The following TRAF3IP2 variants were observed in gnomAD, a reference collection of about 807,000 sequenced individuals.
TRAF3IP2 encodes the protein E3 ubiquitin ligase TRAF3IP2.
TRAF3IP2 carries 35 observed loss-of-function variants against 57.9 expected under a neutral mutation model. That is an observed-to-expected ratio of 0.60 (90% CI 0.46 to 0.80). The LOEUF (loss-of-function observed/expected upper bound fraction) is 0.80. TRAF3IP2 is among the 30% of genes least tolerant of loss of function. The probability of loss-of-function intolerance (pLI) is 0.00; values close to 1 mark genes in which losing one functional copy is unlikely to be tolerated. For missense variants in TRAF3IP2, 556 were observed against 706.4 expected, an observed-to-expected ratio of 0.79 and a Z score of 2.41; for synonymous variants, 251 against 268.9, an observed-to-expected ratio of 0.93 and a Z score of 0.65.
At chr6:111,584,805 A>G (rs1796278645) in intron 2 of TRAF3IP2, among the ~76,000 whole-genome samples, 1 of 152,230 alleles carries the variant, frequency 6.6e-6, no homozygotes, top group South Asian at 2.1e-4. Flanking sequence ...AATGGCTAAC[A>G]TTTATTGATC....
chr6:111,601,760 C>G (rs1400761280), intron 1 of TRAF3IP2: 1 of 152,238 alleles, frequency 6.6e-6, no homozygotes, highest in Non-Finnish European at 1.5e-5. Flanking sequence ...ATCCTGAGAT[C>G]TACTTCGGAT....
chr6:111,603,449 C>CA (rs1796934736), intron 1 of TRAF3IP2, among the ~76,000 whole-genome samples: 1 of 152,068 alleles, frequency 6.6e-6, no homozygotes. Flanking sequence ...TGTGTTCACT[C>CA]TTTTTTTTCT....
rs769436570 is a variant in TRAF3IP2 at position 111,575,860 on chromosome 6, A to G, written c.1023-39T>C. On this transcript the variant is annotated intron_variant, in intron 3 of 8. Transcript: ENST00000368761. ...CATTTACAGTCAATTTTCATTCTTT[A>G]CAAAGGCAAACCTTCAGGGACAGAA... is the stretch of plus-strand genomic sequence containing the variant. 4 of 1,583,422 alleles carry G rather than the reference A, an allele frequency of 2.5e-6. 1 individual carries two copies. The South Asian group carries it at 4.5e-5, about 18-fold the overall frequency.
At position 111,580,300 on chromosome 6, in the gene TRAF3IP2, GGCC is replaced by G; in HGVS notation, c.916_918del (p.Gly306del). 1 of 1,611,544 alleles carries G rather than the reference GGCC, an allele frequency of 6.2e-7. No homozygotes were observed. The highest frequency in any genetic ancestry group is 8.5e-7 in the Non-Finnish European group (1 of 1,179,370). On this transcript the variant is annotated inframe_deletion, in exon 3 of 9. Coordinates refer to ENST00000368761, the MANE Select transcript of TRAF3IP2 (RefSeq NM_147686.4). ...AGGATAACCTTCTGCACAGGGTGCA[GGCC>G]TCTCACACTGGCTCCAGGCAGGGGC...
intron 1 of TRAF3IP2, among the ~76,000 whole-genome samples, chr6:111,598,854 C>T (rs1796774571): frequency 1.3e-5 from 2 of 152,134 alleles, no homozygotes; most frequent in African/African-American, 4.8e-5. Context: ...TGACACCGCC[C>T]AGGAGACAGT....
intron 7 of TRAF3IP2, among the ~76,000 whole-genome samples, chr6:111,564,772 G>A (rs1464259357): frequency 1.3e-5 from 2 of 152,214 alleles, no homozygotes; most frequent in Admixed American, 6.5e-5. Context: ...GCCAAGCTGT[G>A]TATTACTGCC....
chr6:111,583,093 C>T (rs1375212533), intron 2 of TRAF3IP2, among the ~76,000 whole-genome samples: 2 of 152,166 alleles, frequency 1.3e-5, no homozygotes, highest in Admixed American at 6.5e-5. Flanking sequence ...ATGACTTTTA[C>T]CTGTCAACTT....
intron 7 of TRAF3IP2, 98 bp downstream of exon 7, chr6:111,566,346 G>T: frequency 1.0e-6 from 1 of 959,212 alleles, no homozygotes. Context: ...CCAGCATCAT[G>T]CTGCCTTCAG....
intron 5 of TRAF3IP2, among the ~76,000 whole-genome samples, chr6:111,568,331 A>G (rs1795715891): frequency 6.6e-6 from 1 of 152,116 alleles, no homozygotes; most frequent in African/African-American, 2.4e-5. Flanking sequence ...TCAGCATTCA[A>G]GTTTTTGAAG....
chr6:111,562,844 CAAAAAAA>C (rs931683636), intron 8 of TRAF3IP2, 114 bp downstream of exon 8: 1 of 538,300 alleles, frequency 1.9e-6, no homozygotes, highest in Non-Finnish European at 2.7e-6. Flanking sequence ...GACTCCATCT[CAAAAAAA>C]AAAAAAAAGA....
chr6:111,561,355 G>T (rs867056005), intron 8 of TRAF3IP2, among the ~76,000 whole-genome samples: 2 of 151,958 alleles, frequency 1.3e-5, no homozygotes, highest in South Asian at 2.1e-4. Context: ...CAGGAGAATC[G>T]CTTGAACCCT....
intron 3 of TRAF3IP2, 107 bp from the exon 4 acceptor site, chr6:111,575,928 C>T: frequency 2.9e-6 from 3 of 1,026,774 alleles, no homozygotes; most frequent in Non-Finnish European, 4.2e-6. Context: ...GCTCTCTCTC[C>T]TCTGCCTCTA....
In TRAF3IP2 at chr6:111,597,749, T is replaced by C. The variant is rs1467296048; in HGVS notation, c.-8-5655A>G. On this transcript the variant is annotated intron_variant, in intron 1 of 8. Transcript: ENST00000368761. ...GGGACAGAGGTGAGTCCTGGGGACA[T>C]ATAACTGGATGGAACAGCTGTGCAT... The C allele has an allele frequency of 9.8e-5, 43 of 437,636 alleles. No homozygotes were observed. The East Asian group carries it at 1.8e-3, about 18-fold the overall frequency. 27.1% of individuals were successfully genotyped at this position (437,636 alleles called of 1,614,324 possible).
chr6:111,592,422 C>T (rs1313169336), intron 1 of TRAF3IP2, among the ~76,000 whole-genome samples: 3 of 152,316 alleles, frequency 2.0e-5, no homozygotes, highest in East Asian at 3.9e-4. Flanking sequence ...ATGTGGGCTG[C>T]TTCGTGTGTG....
intron 2 of TRAF3IP2, among the ~76,000 whole-genome samples, chr6:111,583,006 C>A (rs1583232596): frequency 6.6e-6 from 1 of 152,240 alleles, no homozygotes; most frequent in South Asian, 2.1e-4. Context: ...AGAGTCCTGC[C>A]TCTTCACCCA....
intron 1 of TRAF3IP2, among the ~76,000 whole-genome samples, chr6:111,594,719 G>T (rs542430683): frequency 6.6e-6 from 1 of 152,254 alleles, no homozygotes; most frequent in African/African-American, 2.4e-5. Flanking sequence ...TTCAAGACCA[G>T]CCTTGGCAAT....
At chr6:111,568,648 T>G (rs1583219126) in intron 5 of TRAF3IP2, among the ~76,000 whole-genome samples, 1 of 152,276 alleles carries the variant, frequency 6.6e-6, no homozygotes, top group African/African-American at 2.4e-5. Flanking sequence ...CCAGGCACGA[T>G]GGCTCATGCC....
intron 8 of TRAF3IP2, among the ~76,000 whole-genome samples, chr6:111,562,296 C>T (rs1190178516): frequency 1.3e-5 from 2 of 152,186 alleles, no homozygotes; most frequent in Admixed American, 6.5e-5. Context: ...CAATGAAATG[C>T]CTCCCTGGAA....
intron 1 of TRAF3IP2, chr6:111,601,309 G>A (rs1796856236): frequency 6.1e-6 from 4 of 661,000 alleles, no homozygotes; most frequent in African/African-American, 1.8e-5. Context: ...AGATGAGGCT[G>A]CAGAGGCATC....
Sources: gnomAD v4.1 joint callset for allele counts (sites outside exome capture counted in the v4.1 genomes callset) on GRCh38, gnomAD v4.1.1 for gene constraint, MANE v1.5 for transcripts, NCBI Gene and HGNC (gene_info 2026-07-23, HGNC 2026-07-21) for gene names.